The following SLC36A1 variants were observed in gnomAD, a reference collection of about 807,000 sequenced individuals.
SLC36A1 encodes the protein proton-coupled amino acid transporter 1.
A neutral mutation model predicts 47.5 loss-of-function variants in SLC36A1; 30 were observed. The observed-to-expected ratio is 0.63, with a 90% CI of 0.47 to 0.86. The LOEUF is 0.86. Among genes scored for constraint, SLC36A1 ranks in the 40% least tolerant of loss-of-function variants. The probability of loss-of-function intolerance (pLI) is 0.00; values close to 1 mark genes in which losing one functional copy is unlikely to be tolerated. For missense variants in SLC36A1, 517 were observed against 606.0 expected (o/e 0.85, Z 1.54); for synonymous variants, 255 against 249.7 (o/e 1.02, Z -0.20).
At chr5:151,548,728 G>C in the SLC36A1 span, among the ~76,000 whole-genome samples, 1 of 152,086 alleles carries the variant, frequency 6.6e-6, no homozygotes, top group East Asian at 1.9e-4. Flanking sequence ...TGATCCGCCC[G>C]CCTCGGCCTC....
At chr5:151,507,211 G>T in the SLC36A1 span, 23 of 1,611,960 alleles carry the variant, frequency 1.4e-5, no homozygotes, top group Admixed American at 3.7e-4. Flanking sequence ...GAGTGGGAAG[G>T]GACCGCAGCT....
At chr5:151,518,371 A>ATTATTATTATTATT in the SLC36A1 span, among the ~76,000 whole-genome samples, 33,019 of 130,822 alleles carry the variant, frequency 0.25, 4,551 homozygotes, top group South Asian at 0.46. Flanking sequence ...TAATAATAAT[A>ATTATTATTATTATT]ATAATTTTTA....
chr5:151,488,026 C>T lies in SLC36A1; in HGVS notation c.1203C>T (p.Ser401=). ...TCCCCCGCCTGGACCTGGTCATCTC[C>T]CTGGTGGGCTCCGTGAGCAGCAGCG... is the stretch of plus-strand genomic sequence containing the variant. ...ILIPRLDLVI[S]LVGSVSSSAL... The change falls in exon 11 of 11, where the codon TCC becomes TCT. Residue 401 remains serine, a synonymous_variant. Transcript: ENST00000243389. 3 of 1,614,142 alleles carry T rather than the reference C, an allele frequency of 1.9e-6. No individual in the cohort carries two copies. Among genetic ancestry groups the T allele is most frequent in the Non-Finnish European group, 2.5e-6 (3 of 1,180,018 alleles).
At chr5:151,445,561 T>C (rs1044456863), upstream of SLC36A1, among the ~76,000 whole-genome samples, 2 of 152,222 alleles carry the variant, frequency 1.3e-5, no homozygotes, top group South Asian at 2.1e-4. Context: ...ACCTTCTTCT[T>C]TGAATGTTTG....
the SLC36A1 span, chr5:151,543,377 G>A: frequency 6.2e-7 from 1 of 1,614,144 alleles, no homozygotes; most frequent in Non-Finnish European, 8.5e-7. Context: ...GCTTTGAACT[G>A]TGGGGGGTTG....
chr5:151,542,053 T>C, the SLC36A1 span, among the ~76,000 whole-genome samples: 7 of 152,180 alleles, frequency 4.6e-5, no homozygotes, highest in African/African-American at 1.4e-4. Flanking sequence ...CACTTTCTAA[T>C]GTATAGGTGC....
Position 151,491,264 on chromosome 5 carries a change from A to G in SLC36A1, c.*3010A>G, listed in dbSNP as rs1268957355. ...GCAGTTGTCACCATTCACAAGTGGC[A>G]TTATTTATGTTGTGCTGCTGTCCAG... On this transcript the variant is annotated 3_prime_UTR_variant, in exon 11 of 11. Transcript: ENST00000243389. 1 of 152,630 alleles carries G rather than the reference A, an allele frequency of 6.6e-6. No individual in the cohort carries two copies. Among genetic ancestry groups the G allele is most frequent in the Non-Finnish European group, 1.5e-5 (1 of 68,056 alleles). The allele number at this position is 152,630 out of a possible 1,614,324, so 9.5% of individuals were successfully genotyped here.
At chr5:151,406,821 G>A in the SLC36A1 span, among the ~76,000 whole-genome samples, 1 of 152,140 alleles carries the variant, frequency 6.6e-6, no homozygotes, top group Non-Finnish European at 1.5e-5. Context: ...CCTTCTGGTG[G>A]GTTCTTGGTC....
the SLC36A1 span, among the ~76,000 whole-genome samples, chr5:151,355,766 G>T: frequency 6.6e-6 from 1 of 152,124 alleles, no homozygotes; most frequent in Non-Finnish European, 1.5e-5. Flanking sequence ...AAAAACAAAT[G>T]GAATCAATTT....
rs1652888068 is a variant in SLC36A1 at position 151,465,269 on chromosome 5, G to A, written c.419+100G>A. 6.3e-6 allele frequency: 6 copies of A among 959,072 alleles called. No homozygotes were observed. In the South Asian group the frequency reaches 6.6e-5, roughly 11 times the overall value. The allele number at this position is 959,072 out of a possible 1,614,324, so 59.4% of individuals were successfully genotyped here. A position where few individuals can be genotyped will look rare whatever the true frequency, so the allele number is the denominator to read the frequency against. ...AGACAGTGTAAAGCGTGGAAAGAGT[G>A]CTGTTTGGGTCAGTTGCCTTGGGCT... is the stretch of plus-strand genomic sequence containing the variant. On this transcript the variant is annotated intron_variant, in intron 5 of 10. Transcript: ENST00000243389.
the SLC36A1 span, among the ~76,000 whole-genome samples, chr5:151,393,809 G>C: frequency 2.0e-5 from 3 of 152,096 alleles, no homozygotes; most frequent in Non-Finnish European, 2.9e-5. Flanking sequence ...TGGGTAACCC[G>C]ACCTTTCTCT....
chr5:151,379,071 T>C, the SLC36A1 span, among the ~76,000 whole-genome samples: 3 of 152,206 alleles, frequency 2.0e-5, no homozygotes, highest in Admixed American at 2.0e-4. Context: ...GGGAGGTGCT[T>C]GCACAGGGTC....
the SLC36A1 span, chr5:151,510,630 C>T: frequency 6.5e-6 from 1 of 153,828 alleles, no homozygotes; most frequent in Admixed American, 6.4e-5. Context: ...GGGGTTCAAA[C>T]CTAGACAGCT....
At chr5:151,544,480 A>G in the SLC36A1 span, 1 of 1,614,034 alleles carries the variant, frequency 6.2e-7, no homozygotes, top group Non-Finnish European at 8.5e-7. Flanking sequence ...GTCAGTGGTG[A>G]ACAGCATCAA....
chr5:151,542,773 A>C, the SLC36A1 span: 8 of 1,614,198 alleles, frequency 5.0e-6, no homozygotes, highest in Non-Finnish European at 6.8e-6. Context: ...TCCCACTTGG[A>C]TGTTGACAGA....
chr5:151,462,024 T>C (rs948715450), intron 2 of SLC36A1, among the ~76,000 whole-genome samples: 3 of 151,518 alleles, frequency 2.0e-5, no homozygotes, highest in African/African-American at 7.3e-5. Context: ...CAGACCTGAG[T>C]ACTTGTAAGA....
At chr5:151,514,552 G>C in the SLC36A1 span, among the ~76,000 whole-genome samples, 1 of 152,190 alleles carries the variant, frequency 6.6e-6, no homozygotes, top group East Asian at 1.9e-4. Flanking sequence ...CTTTGCTCAC[G>C]AGCCTCTCTT....
the SLC36A1 span, among the ~76,000 whole-genome samples, chr5:151,516,779 C>A: frequency 8.5e-5 from 13 of 152,100 alleles, no homozygotes; most frequent in African/African-American, 3.1e-4. Context: ...GAATTAAAAT[C>A]TAGTGGCCAA....
At chr5:151,367,291 A>G in the SLC36A1 span, among the ~76,000 whole-genome samples, 7 of 151,592 alleles carry the variant, frequency 4.6e-5, no homozygotes, top group African/African-American at 9.7e-5. Context: ...GGCTTATCTC[A>G]GTCCTTATCT....
Sources: gnomAD v4.1 joint callset for allele counts (sites outside exome capture counted in the v4.1 genomes callset) on GRCh38, gnomAD v4.1.1 for gene constraint, MANE v1.5 for transcripts, NCBI Gene and HGNC (gene_info 2026-07-23, HGNC 2026-07-21) for gene names.